The following BICD1 variants were observed in gnomAD, a reference collection of about 807,000 sequenced individuals.
The protein encoded by BICD1 is BICD cargo adaptor 1, also known as protein bicaudal D homolog 1.
In BICD1, 35 loss-of-function variants were observed where a neutral mutation model predicts 92.5. That is an observed-to-expected ratio of 0.38 (90% CI 0.29 to 0.50). The LOEUF (loss-of-function observed/expected upper bound fraction) is 0.50, where lower values mean the gene tolerates loss of function less well. Ranked by LOEUF, BICD1 falls within the 20% of genes least tolerant of loss-of-function variation. The pLI, the probability that BICD1 is intolerant of heterozygous loss-of-function variation, is 0.93. For synonymous variants in BICD1, 429 were observed against 465.1 expected, an observed-to-expected ratio of 0.92 and a Z score of 1.00; for missense variants, 950 against 1,189.8, an observed-to-expected ratio of 0.80 and a Z score of 2.97.
chr12:32,307,491 G>A (rs1448022957), intron 4 of BICD1, among the ~76,000 whole-genome samples: 2 of 120,888 alleles, frequency 1.7e-5, no homozygotes, highest in Non-Finnish European at 1.9e-5. Context: ...TAGATCTACT[G>A]AACTAGAAAC....
intron 1 of BICD1, among the ~76,000 whole-genome samples, chr12:32,134,711 G>T (rs1177530263): frequency 2.0e-5 from 3 of 152,184 alleles, no homozygotes; most frequent in Non-Finnish European, 4.4e-5. Context: ...GATAACAGTA[G>T]TGGCACCAGT....
rs377244809 is a variant in BICD1, at chr12:32,349,586, C to T, written c.2764+10607C>T. On this transcript the variant is annotated intron_variant, in intron 8 of 9. Transcript: ENST00000652176. ...TCTGGAGGTCACTGTGTAAAATCTA[C>T]GCTTCTAAATAAATGTTATGATATC... is the stretch of plus-strand genomic sequence containing the variant. Among the ~76,000 whole-genome samples the T allele has an allele frequency of 1.3e-4, 20 of 152,190 alleles. No homozygotes were observed. The South Asian group carries it at 2.1e-3, about 16-fold the overall frequency.
chr12:32,231,530 A>G (rs1031398650), intron 2 of BICD1, among the ~76,000 whole-genome samples: 4 of 151,712 alleles, frequency 2.6e-5, no homozygotes, highest in Admixed American at 2.6e-4. Flanking sequence ...CAGCTTCAAA[A>G]TGGTACCAAT....
intron 2 of BICD1, among the ~76,000 whole-genome samples, chr12:32,282,474 A>G (rs1419254817): frequency 1.3e-5 from 2 of 151,984 alleles, no homozygotes; most frequent in Admixed American, 1.3e-4. Flanking sequence ...AAGGCCAGGG[A>G]GGGGAGCAAA....
At chr12:32,375,435 C>T (rs1171323579) in intron 9 of BICD1, among the ~76,000 whole-genome samples, 2 of 152,062 alleles carry the variant, frequency 1.3e-5, no homozygotes, top group Non-Finnish European at 2.9e-5. Flanking sequence ...GAGGCTGAAG[C>T]AGGAGAATTG....
intron 2 of BICD1, among the ~76,000 whole-genome samples, chr12:32,293,626 G>A (rs1409674480): frequency 1.3e-5 from 2 of 151,958 alleles, no homozygotes; most frequent in African/African-American, 4.8e-5. Flanking sequence ...CACAGCGCCC[G>A]GCCTTTCTCG....
chr12:32,136,330 A>G (rs1427066201), intron 1 of BICD1, among the ~76,000 whole-genome samples: 1 of 152,198 alleles, frequency 6.6e-6, no homozygotes, highest in Non-Finnish European at 1.5e-5. Context: ...TTAACAACTG[A>G]CCAGAACTAA....
intron 2 of BICD1, among the ~76,000 whole-genome samples, chr12:32,273,250 T>A (rs1221852939): frequency 6.6e-6 from 1 of 152,220 alleles, no homozygotes; most frequent in Non-Finnish European, 1.5e-5. Flanking sequence ...TCTACTCTCA[T>A]AGCCTCGATT....
chr12:32,324,885 A>G (rs767680911), intron 4 of BICD1, among the ~76,000 whole-genome samples: 1 of 152,176 alleles, frequency 6.6e-6, no homozygotes, highest in Non-Finnish European at 1.5e-5. Flanking sequence ...GCCATACTGT[A>G]CTTTTTCATT....
chr12:32,159,814 C>T (rs1414618106), intron 1 of BICD1, among the ~76,000 whole-genome samples: 1 of 152,158 alleles, frequency 6.6e-6, no homozygotes, highest in African/African-American at 2.4e-5. Context: ...TTGCCATACC[C>T]TTCCTGGAGA....
chr12:32,249,961 A>G (rs984062942), intron 2 of BICD1, among the ~76,000 whole-genome samples: 1 of 151,132 alleles, frequency 6.6e-6, no homozygotes, highest in Non-Finnish European at 1.5e-5. Context: ...TTTGAGCTCA[A>G]ATAGGAGACA....
intron 8 of BICD1, among the ~76,000 whole-genome samples, chr12:32,350,806 C>A (rs989539201): frequency 6.6e-6 from 1 of 152,150 alleles, no homozygotes; most frequent in Admixed American, 6.5e-5. Context: ...CTATTCCATT[C>A]TTTGTTTTCT....
rs1347856000 is a variant in BICD1 at position 32,306,000 on chromosome 12, A to G, written c.883A>G (p.Lys295Glu). Residue 295 changes from lysine (K) to glutamate (E), a missense_variant, in exon 4 of 10, where the codon AAA becomes GAA. Around this residue, in one of 5 missense-constraint regions of BICD1, gnomAD observed 246 missense variants for 258.4 expected, o/e 0.95. Coordinates refer to ENST00000652176, the MANE Select transcript of BICD1 (RefSeq NM_001714.4). Reference protein sequence around the residue: ...MNGHIHGPLVKLNGDYRTPTL... With the variant: ...MNGHIHGPLVELNGDYRTPTL... ...CGGTCATATCCATGGGCCTCTTGTG[A>G]AACTGAATGGAGACTATCGGACTCC... is the stretch of plus-strand genomic sequence containing the variant. The G allele has an allele frequency of 6.2e-7, 1 of 1,614,196 alleles. No homozygotes were observed. Among genetic ancestry groups the G allele is most frequent in the East Asian group, 2.2e-5 (1 of 44,874 alleles).
At chr12:32,140,785 A>G (rs1942892746) in intron 1 of BICD1, among the ~76,000 whole-genome samples, 1 of 152,114 alleles carries the variant, frequency 6.6e-6, no homozygotes, top group East Asian at 1.9e-4. Flanking sequence ...CAGTGTTCGT[A>G]TTACATACTT....
intron 1 of BICD1, among the ~76,000 whole-genome samples, chr12:32,177,391 T>TACA (rs1944125178): frequency 6.6e-6 from 1 of 151,118 alleles, no homozygotes; most frequent in Non-Finnish European, 1.5e-5. Context: ...TGCTGATAGG[T>TACA]ATAATTTTGA....
Position 32,107,029 on chromosome 12 carries a change from G to A in BICD1, c.-303G>A, listed in dbSNP as rs1941493481. 2 of 337,940 alleles carry A rather than the reference G, an allele frequency of 5.9e-6. No homozygotes were observed. The highest frequency in any genetic ancestry group is 1.1e-5 in the Non-Finnish European group (2 of 184,082). 20.9% of individuals were successfully genotyped at this position (337,940 alleles called of 1,614,324 possible). The stretch of plus-strand genomic sequence containing the variant: ...TCGCTACCCGCGGCCGCCGCAGCCC[G>A]GGCCATGCCGCACGGCTGCTGACCG... On this transcript the variant is annotated 5_prime_UTR_variant, in exon 1 of 10. Transcript: ENST00000652176.
chr12:32,112,024 G>A (rs1234381075), intron 1 of BICD1, among the ~76,000 whole-genome samples: 2 of 11,774 alleles, frequency 1.7e-4, no homozygotes, highest in East Asian at 4.1e-3. Flanking sequence ...TTTTTTTTTT[G>A]AGATGGAGTT....
At chr12:32,236,560 A>G (rs187139837) in intron 2 of BICD1, among the ~76,000 whole-genome samples, 25 of 152,262 alleles carry the variant, frequency 1.6e-4, no homozygotes, top group African/African-American at 5.3e-4. Flanking sequence ...TAGCCCTACA[A>G]TGGCTTCTAC....
At chr12:32,364,168 G>A (rs1481055118) in intron 8 of BICD1, among the ~76,000 whole-genome samples, 1 of 152,180 alleles carries the variant, frequency 6.6e-6, no homozygotes. Flanking sequence ...TAGGAGTTTA[G>A]TAACTTGACT....
Sources: allele counts gnomAD v4.1 joint callset (sites outside exome capture counted in the v4.1 genomes callset), GRCh38; gene constraint gnomAD v4.1.1; regional missense constraint gnomAD v4.1.1; transcripts MANE v1.5; gene names NCBI Gene and HGNC (gene_info 2026-07-23, HGNC 2026-07-21).